FGGY: variants seen among roughly 807,000 people sequenced by gnomAD.
FGGY encodes FGGY carbohydrate kinase domain-containing protein.
Under a neutral mutation model 71.3 loss-of-function variants are expected in FGGY, and 72 were observed. The observed-to-expected ratio is 1.01, with a 90% CI of 0.84 to 1.23. The LOEUF (loss-of-function observed/expected upper bound fraction) is 1.23. Among genes scored for constraint, FGGY ranks in the 50% most tolerant of loss-of-function variants. The pLI is 0.00. For synonymous variants in FGGY, 251 were observed against 250.3 expected, an observed-to-expected ratio of 1.00 and a Z score of -0.02; for missense variants, 668 against 682.3, an observed-to-expected ratio of 0.98 and a Z score of 0.23.
intron 9 of FGGY, among the ~76,000 whole-genome samples, chr1:59,614,383 A>G (rs940670775): frequency 6.6e-6 from 1 of 152,226 alleles, no homozygotes; most frequent in African/African-American, 2.4e-5. Flanking sequence ...TATAAACAGA[A>G]CCAACGACAA....
At chr1:59,760,715 C>T (rs1160299737) in intron 15 of FGGY, among the ~76,000 whole-genome samples, 2 of 152,130 alleles carry the variant, frequency 1.3e-5, no homozygotes, top group Admixed American at 6.5e-5. Flanking sequence ...CTGCATGATT[C>T]CACCTATGTA....
chr1:59,667,567 C>T (rs1208460295), intron 13 of FGGY, among the ~76,000 whole-genome samples, 164 bp downstream of exon 13: 2 of 152,118 alleles, frequency 1.3e-5, no homozygotes, highest in Non-Finnish European at 2.9e-5. Context: ...ACTTCTATGA[C>T]GTCTTTATAT....
At chr1:59,297,714 T>A (rs2042164325) in intron 1 of FGGY, among the ~76,000 whole-genome samples, 1 of 151,484 alleles carries the variant, frequency 6.6e-6, no homozygotes, top group Non-Finnish European at 1.5e-5. Flanking sequence ...TCCCAGCTTC[T>A]CGGGAGGCTG....
chr1:59,483,500 A>C (rs2093565673), intron 6 of FGGY, among the ~76,000 whole-genome samples: 1 of 152,180 alleles, frequency 6.6e-6, no homozygotes, highest in African/African-American at 2.4e-5. Context: ...TGTGATTATG[A>C]CTTCAAACTT....
chr1:59,427,628 C>T (rs2066625947), intron 5 of FGGY, among the ~76,000 whole-genome samples: 1 of 152,180 alleles, frequency 6.6e-6, no homozygotes, highest in Non-Finnish European at 1.5e-5. Flanking sequence ...TTTCCCCTTT[C>T]CTCTGTACCT....
chr1:59,398,276 A>G (rs1410981043), intron 5 of FGGY, among the ~76,000 whole-genome samples: 1 of 152,020 alleles, frequency 6.6e-6, no homozygotes, highest in Non-Finnish European at 1.5e-5. Context: ...GGTTTCACTC[A>G]GTCAGTCTGG....
chr1:59,656,206 A>G (rs1403611417), intron 11 of FGGY, among the ~76,000 whole-genome samples: 2 of 152,178 alleles, frequency 1.3e-5, no homozygotes, highest in African/African-American at 2.4e-5. Flanking sequence ...TCGCCCAAAC[A>G]TTCAAAATAG....
intron 4 of FGGY, among the ~76,000 whole-genome samples, chr1:59,374,138 T>A (rs2058222999): frequency 6.6e-6 from 1 of 151,868 alleles, no homozygotes; most frequent in Non-Finnish European, 1.5e-5. Flanking sequence ...GGCAGAAAAT[T>A]TTCACAACCT....
At chr1:59,643,601 A>G (rs545164234) in intron 11 of FGGY, among the ~76,000 whole-genome samples, 1 of 152,242 alleles carries the variant, frequency 6.6e-6, no homozygotes, top group African/African-American at 2.4e-5. Context: ...GGGAAATGGC[A>G]AAGACCACAA....
At chr1:59,354,258 T>C (rs914667303) in intron 4 of FGGY, among the ~76,000 whole-genome samples, 8 of 152,102 alleles carry the variant, frequency 5.3e-5, no homozygotes, top group Non-Finnish European at 2.9e-5. Context: ...GTGTATTTTT[T>C]TGTAGAGATG....
At chr1:59,702,521 A>T (rs1017546299) in intron 14 of FGGY, among the ~76,000 whole-genome samples, 5 of 152,144 alleles carry the variant, frequency 3.3e-5, no homozygotes, top group African/African-American at 1.2e-4. Flanking sequence ...CTTAGATGAG[A>T]ACTATGGGGT....
chr1:59,727,835 C>T (rs1339543467), intron 14 of FGGY, among the ~76,000 whole-genome samples: 2 of 152,094 alleles, frequency 1.3e-5, no homozygotes, highest in Non-Finnish European at 2.9e-5. Flanking sequence ...CTCCTTGTCT[C>T]CAATGTCTCT....
intron 8 of FGGY, among the ~76,000 whole-genome samples, chr1:59,566,353 C>T (rs2095872877): frequency 6.6e-6 from 1 of 152,140 alleles, no homozygotes; most frequent in African/African-American, 2.4e-5. Flanking sequence ...TTTTCATCCT[C>T]TTCTCCTATT....
intron 6 of FGGY, among the ~76,000 whole-genome samples, chr1:59,506,220 G>A (rs1017532133): frequency 6.6e-6 from 1 of 151,982 alleles, no homozygotes; most frequent in African/African-American, 2.4e-5. Flanking sequence ...CAAGGTCATG[G>A]GATATAAGAA....
intron 4 of FGGY, among the ~76,000 whole-genome samples, chr1:59,368,877 G>A (rs1260688632): frequency 6.6e-6 from 1 of 152,020 alleles, no homozygotes; most frequent in Non-Finnish European, 1.5e-5. Context: ...GGATCACAAG[G>A]TCAGGAGTTC....
rs761591075 is a variant in FGGY at position 59,554,241 on chromosome 1, G to A, written c.903+14G>A. On this transcript the variant is annotated intron_variant, in intron 8 of 15. Coordinates refer to ENST00000303721, the MANE Select transcript of FGGY (RefSeq NM_018291.5). ...TGTCACATGGGGGTGAGTCCACTGAGCACAAAGGCAAGGCCACCACACAGC... is the reference window on the plus strand; with the variant it reads ...TGTCACATGGGGGTGAGTCCACTGAACACAAAGGCAAGGCCACCACACAGC... The A allele has an allele frequency of 9.3e-6, 15 of 1,604,456 alleles. 1 individual carries two copies. The South Asian group carries it at 1.7e-4, about 18-fold the overall frequency.
At chr1:59,675,570 A>C (rs1189371763) in intron 14 of FGGY, among the ~76,000 whole-genome samples, 1 of 152,228 alleles carries the variant, frequency 6.6e-6, no homozygotes, top group Non-Finnish European at 1.5e-5. Flanking sequence ...TCTTTAAACA[A>C]AGGTGGTATA....
At chr1:59,698,867 G>T in intron 14 of FGGY, 2 of 985,406 alleles carry the variant, frequency 2.0e-6, no homozygotes, top group African/African-American at 3.5e-5. Context: ...AAATAATAAT[G>T]AAACTGAATT....
At chr1:59,702,806 G>T (rs188067662) in intron 14 of FGGY, among the ~76,000 whole-genome samples, 2 of 152,276 alleles carry the variant, frequency 1.3e-5, no homozygotes, top group Non-Finnish European at 1.5e-5. Flanking sequence ...GGAGGGAGAG[G>T]TATTGAATGT....
Sources: allele counts gnomAD v4.1 joint callset (sites outside exome capture counted in the v4.1 genomes callset), GRCh38; gene constraint gnomAD v4.1.1; transcripts MANE v1.5; gene names NCBI Gene and HGNC (gene_info 2026-07-23, HGNC 2026-07-21).